The following LEKR1 variants were observed in gnomAD, a reference collection of about 807,000 sequenced individuals.
The protein encoded by LEKR1 is leucine, glutamate and lysine rich 1.
LEKR1 carries 59 observed loss-of-function variants against 72.4 expected under a neutral mutation model. That is an observed-to-expected ratio of 0.82 (90% CI 0.66 to 1.01). The LOEUF (loss-of-function observed/expected upper bound fraction) is 1.01, where lower values mean the gene tolerates loss of function less well. Among genes scored for constraint, LEKR1 ranks in the 50% least tolerant of loss-of-function variants. The pLI, the probability that LEKR1 is intolerant of heterozygous loss-of-function variation, is 0.00. For missense variants in LEKR1, 728 were observed against 759.2 expected, an observed-to-expected ratio of 0.96 and a Z score of 0.48; for synonymous variants, 257 against 263.2, an observed-to-expected ratio of 0.98 and a Z score of 0.23.
At chr3:156,840,661 T>G (rs964178533) in intron 2 of LEKR1, among the ~76,000 whole-genome samples, 2 of 152,260 alleles carry the variant, frequency 1.3e-5, no homozygotes, top group Non-Finnish European at 2.9e-5. Context: ...GCCATCGATT[T>G]AACTTGATGC....
intron 3 of LEKR1, among the ~76,000 whole-genome samples, chr3:156,918,934 C>T (rs1017022168): frequency 6.6e-6 from 1 of 152,094 alleles, no homozygotes; most frequent in Admixed American, 6.6e-5. Context: ...TTGCGAGGTA[C>T]GGCCTCATCG....
chr3:156,901,813 A>G (rs1399221967), intron 3 of LEKR1, among the ~76,000 whole-genome samples: 2 of 152,162 alleles, frequency 1.3e-5, no homozygotes, highest in Non-Finnish European at 2.9e-5. Flanking sequence ...CAGCCTCCCA[A>G]ATAGCTGGGA....
chr3:156,887,192 G>GT (rs971764702), intron 3 of LEKR1, among the ~76,000 whole-genome samples: 10 of 151,830 alleles, frequency 6.6e-5, no homozygotes, highest in Non-Finnish European at 1.2e-4. Flanking sequence ...GCTTTTTTGT[G>GT]TTTTTTGATT....
At chr3:156,932,019 C>T (rs1446840847) in intron 5 of LEKR1, among the ~76,000 whole-genome samples, 5 of 152,144 alleles carry the variant, frequency 3.3e-5, no homozygotes, top group African/African-American at 1.2e-4. Flanking sequence ...ATGTTGAACT[C>T]TTATCTGTAT....
At position 156,920,665 on chromosome 3, in the gene LEKR1, A is replaced by C; in HGVS notation, c.354A>C (p.Lys118Asn). 1 of 1,426,618 alleles carries C rather than the reference A, an allele frequency of 7.0e-7. No individual in the cohort carries two copies. Among genetic ancestry groups the C allele is most frequent in the Non-Finnish European group, 9.5e-7 (1 of 1,054,990 alleles). 88.4% of individuals were successfully genotyped at this position (1,426,618 alleles called of 1,614,324 possible). ...TGAGTCATTTGCAAGATGAGCTAAA[A>C]ATTAAATATAGACAATCATACATCT... ...KQLSHLQDEL[K>N]IKYRQSYIFS... is the part of the protein sequence containing the mutation. Residue 118 changes from lysine (K) to asparagine (N), a missense_variant, in exon 4 of 13, where the codon AAA becomes AAC. Coordinates refer to ENST00000356539, the MANE Select transcript of LEKR1 (RefSeq NM_001004316.3).
chr3:156,926,408 C>A (rs1724723355), intron 4 of LEKR1, among the ~76,000 whole-genome samples: 1 of 152,020 alleles, frequency 6.6e-6, no homozygotes, highest in Non-Finnish European at 1.5e-5. Context: ...TTACCAAAGG[C>A]CTCCCAGATA....
At chr3:157,039,398 T>C (rs561049263) in intron 12 of LEKR1, among the ~76,000 whole-genome samples, 36 of 152,272 alleles carry the variant, frequency 2.4e-4, no homozygotes, top group African/African-American at 8.7e-4. Context: ...GATGGGAGGA[T>C]TGCTTGAGCT....
chr3:157,026,793 G>A (rs1734219410), intron 11 of LEKR1, among the ~76,000 whole-genome samples: 1 of 152,192 alleles, frequency 6.6e-6, no homozygotes, highest in East Asian at 1.9e-4. Flanking sequence ...TTGAGCATAA[G>A]TAATAAAGAT....
chr3:156,859,175 A>G (rs1716449493), intron 3 of LEKR1, among the ~76,000 whole-genome samples: 1 of 152,180 alleles, frequency 6.6e-6, no homozygotes, highest in African/African-American at 2.4e-5. Context: ...CAAATTACAT[A>G]TATTTGTACT....
At chr3:156,843,342 A>G (rs1043517279) in intron 2 of LEKR1, among the ~76,000 whole-genome samples, 4 of 152,184 alleles carry the variant, frequency 2.6e-5, no homozygotes, top group Non-Finnish European at 5.9e-5. Flanking sequence ...AACAACAGCA[A>G]CAAACTAGTG....
chr3:156,861,522 G>T (rs1716761641), intron 3 of LEKR1, among the ~76,000 whole-genome samples: 1 of 151,996 alleles, frequency 6.6e-6, no homozygotes, highest in Non-Finnish European at 1.5e-5. Context: ...ATTCTGATTT[G>T]CCCATTTTGG....
At position 156,927,464 on chromosome 3, in the gene LEKR1, A is replaced by G; in HGVS notation, c.419A>G (p.Lys140Arg). 1 of 1,162,124 alleles carries G rather than the reference A, an allele frequency of 8.6e-7. No individual in the cohort carries two copies. Among genetic ancestry groups the G allele is most frequent in the South Asian group, 1.6e-5 (1 of 63,628 alleles). 72.0% of individuals were successfully genotyped at this position (1,162,124 alleles called of 1,614,324 possible). A position where few individuals can be genotyped will look rare whatever the true frequency, so the allele number is the denominator to read the frequency against. The change falls in exon 5 of 13, where the codon AAG becomes AGG. Residue 140 changes from lysine to arginine, a missense_variant. Lys to Arg is a conservative substitution (Grantham distance 26). Coordinates refer to ENST00000356539, the MANE Select transcript of LEKR1 (RefSeq NM_001004316.3). ...RLSEYKYFWNKTLSLLTFTKR... is the reference protein window; with the variant it reads ...RLSEYKYFWNRTLSLLTFTKR... ...TCAGAGTACAAATATTTCTGGAATAAGACTCTTTCATTACTTACTTTTACT... is the reference window on the plus strand; with the variant it reads ...TCAGAGTACAAATATTTCTGGAATAGGACTCTTTCATTACTTACTTTTACT...
At chr3:156,855,064 ATTTTC>A (rs1425215248) in intron 3 of LEKR1, among the ~76,000 whole-genome samples, 2 of 152,038 alleles carry the variant, frequency 1.3e-5, no homozygotes, top group Non-Finnish European at 2.9e-5. Flanking sequence ...TACTTAATCA[ATTTTC>A]TTTTCAACAT....
At chr3:157,030,226 G>C (rs1001703561) in intron 12 of LEKR1, among the ~76,000 whole-genome samples, 1 of 152,068 alleles carries the variant, frequency 6.6e-6, no homozygotes, top group Non-Finnish European at 1.5e-5. Flanking sequence ...CATCACCAAG[G>C]GGATGGTGCT....
intron 9 of LEKR1, among the ~76,000 whole-genome samples, chr3:157,008,754 T>C (rs945864701): frequency 3.3e-5 from 5 of 152,246 alleles, no homozygotes; most frequent in Non-Finnish European, 7.4e-5. Flanking sequence ...TTTGCATGTA[T>C]TTTATCTTCA....
chr3:156,960,455 T>C (rs1433314717), intron 6 of LEKR1, among the ~76,000 whole-genome samples: 1 of 152,062 alleles, frequency 6.6e-6, no homozygotes, highest in Non-Finnish European at 1.5e-5. Flanking sequence ...CTGGCTAATT[T>C]TTGTATTTTT....
At chr3:156,992,040 A>C (rs1440092184) in intron 7 of LEKR1, among the ~76,000 whole-genome samples, 2 of 152,224 alleles carry the variant, frequency 1.3e-5, no homozygotes, top group African/African-American at 4.8e-5. Flanking sequence ...ATCTCAGTTC[A>C]GTTCTTTTTC....
intron 5 of LEKR1, among the ~76,000 whole-genome samples, chr3:156,935,009 CT>C (rs1416133893): frequency 2.0e-5 from 3 of 151,998 alleles, no homozygotes; most frequent in Non-Finnish European, 4.4e-5. Flanking sequence ...GGATTTTATC[CT>C]GTTTTTTTTC....
At chr3:156,831,561 T>G (rs1712404346) in intron 2 of LEKR1, among the ~76,000 whole-genome samples, 1 of 152,190 alleles carries the variant, frequency 6.6e-6, no homozygotes, top group African/African-American at 2.4e-5. Flanking sequence ...GAGGTTTAAT[T>G]GGCTCACAGT....
Sources: gnomAD v4.1 joint callset for allele counts (sites outside exome capture counted in the v4.1 genomes callset) on GRCh38, gnomAD v4.1.1 for gene constraint, MANE v1.5 for transcripts, NCBI Gene and HGNC (gene_info 2026-07-23, HGNC 2026-07-21) for gene names.